Variants in TXNDC8 observed in about 807,000 individuals in gnomAD.
TXNDC8 encodes the protein thioredoxin domain containing 8.
TXNDC8 carries 15 observed loss-of-function variants against 12.9 expected under a neutral mutation model. The observed-to-expected ratio is 1.16, with a 90% CI of 0.78 to 1.79. TXNDC8 has a LOEUF of 1.79. Among genes scored for constraint, TXNDC8 ranks in the 40% most tolerant of loss-of-function variants. The pLI is 0.00. For missense variants in TXNDC8, 128 were observed against 113.2 expected, an observed-to-expected ratio of 1.13 and a Z score of -0.59; for synonymous variants, 40 against 35.4, an observed-to-expected ratio of 1.13 and a Z score of -0.46.
At chr9:110,321,444 G>T (rs1161349786) in intron 3 of TXNDC8, among the ~76,000 whole-genome samples, 2 of 152,186 alleles carry the variant, frequency 1.3e-5, no homozygotes, top group Non-Finnish European at 2.9e-5. Context: ...ATTTAAAAGG[G>T]TATAATGGAC....
intron 2 of TXNDC8, among the ~76,000 whole-genome samples, chr9:110,326,940 G>GCACACACACACACA (rs377527245): frequency 0.036 from 5,154 of 142,930 alleles, 128 homozygotes; most frequent in African/African-American, 0.04. Context: ...TGCTACTCAT[G>GCACACACACACACA]CACACACACA....
intron 3 of TXNDC8, among the ~76,000 whole-genome samples, chr9:110,320,739 A>G (rs907923258): frequency 1.3e-5 from 2 of 152,200 alleles, no homozygotes; most frequent in Admixed American, 1.3e-4. Context: ...CTTACAAGAG[A>G]ATGCAGTTTA....
At chr9:110,312,318 CAG>C (rs1463825114) in intron 3 of TXNDC8, among the ~76,000 whole-genome samples, 1 of 152,160 alleles carries the variant, frequency 6.6e-6, no homozygotes, top group Non-Finnish European at 1.5e-5. Flanking sequence ...TCATTTGTAA[CAG>C]GACACAATTG....
At chr9:110,327,526 T>C (rs776194097) in intron 2 of TXNDC8, among the ~76,000 whole-genome samples, 8 of 152,066 alleles carry the variant, frequency 5.3e-5, no homozygotes, top group East Asian at 3.9e-4. Context: ...GTTCGCCACG[T>C]TGGCCAGGCT....
chr9:110,320,196 A>G (rs1353603972), intron 3 of TXNDC8, among the ~76,000 whole-genome samples: 1 of 152,210 alleles, frequency 6.6e-6, no homozygotes, highest in Non-Finnish European at 1.5e-5. Flanking sequence ...TACACCAACC[A>G]TGAGTTGTGT....
At chr9:110,328,227 A>G (rs1839409275) in intron 2 of TXNDC8, among the ~76,000 whole-genome samples, 1 of 152,226 alleles carries the variant, frequency 6.6e-6, no homozygotes, top group Admixed American at 6.5e-5. Context: ...TAACATGTGG[A>G]TAGACCACCT....
intron 3 of TXNDC8, among the ~76,000 whole-genome samples, chr9:110,319,806 C>A (rs142976749): frequency 2.0e-4 from 30 of 152,288 alleles, no homozygotes; most frequent in Non-Finnish European, 4.0e-4. Flanking sequence ...CTCTTTCTAG[C>A]ATACCACGGT....
At chr9:110,324,849 T>A (rs1212113432) in intron 3 of TXNDC8, among the ~76,000 whole-genome samples, 1 of 152,184 alleles carries the variant, frequency 6.6e-6, no homozygotes, top group Non-Finnish European at 1.5e-5. Context: ...CGGTGGCACA[T>A]GCCTGTAATC....
chr9:110,308,701 C>A (rs150722844), intron 3 of TXNDC8, among the ~76,000 whole-genome samples: 150 of 152,256 alleles, frequency 9.9e-4, no homozygotes, highest in African/African-American at 3.4e-3. Context: ...ATTTACTTTC[C>A]TTCTACCACG....
intron 1 of TXNDC8, among the ~76,000 whole-genome samples, chr9:110,336,736 T>C (rs1839775442): frequency 6.6e-6 from 1 of 152,180 alleles, no homozygotes; most frequent in Non-Finnish European, 1.5e-5. Flanking sequence ...ATTTGTAGTA[T>C]ATTAGTGCTA....
In TXNDC8 at chr9:110,324,223, C is replaced by T. The variant is rs759855080; in HGVS notation, c.195+1952G>A. Among the ~76,000 whole-genome samples, 23 of 152,092 alleles carry T rather than the reference C, an allele frequency of 1.5e-4. 1 individual carries two copies. Among genetic ancestry groups the T allele is most frequent in the East Asian group, 7.7e-4 (4 of 5,178 alleles). On this transcript the variant is annotated intron_variant, in intron 3 of 4. Transcript: ENST00000423740. ...TGAAAGGAGGAAGCATTCTCACTTCCGAAATGGGAGTGAAGGAGAAGATAA... is the reference window on the plus strand; with the variant it reads ...TGAAAGGAGGAAGCATTCTCACTTCTGAAATGGGAGTGAAGGAGAAGATAA...
At chr9:110,334,840 C>T (rs1487792677) in intron 1 of TXNDC8, among the ~76,000 whole-genome samples, 3 of 152,056 alleles carry the variant, frequency 2.0e-5, no homozygotes, top group Non-Finnish European at 4.4e-5. Context: ...GACTAGTGAA[C>T]TTTAAAAGGA....
intron 3 of TXNDC8, chr9:110,322,458 C>T: frequency 1.0e-6 from 1 of 985,272 alleles, no homozygotes; most frequent in Non-Finnish European, 1.2e-6. Flanking sequence ...CATTAGAGAC[C>T]AGTTAGATAT....
chr9:110,302,253 A>G (rs1306006521), downstream of TXNDC8, among the ~76,000 whole-genome samples: 2 of 151,550 alleles, frequency 1.3e-5, no homozygotes, highest in Non-Finnish European at 2.9e-5. Flanking sequence ...CTCCCACCTC[A>G]GCCTCTCAAG....
intron 3 of TXNDC8, chr9:110,323,489 A>G (rs1554704076): frequency 3.6e-6 from 1 of 278,784 alleles, no homozygotes; most frequent in Non-Finnish European, 5.5e-6. Flanking sequence ...AGAGGACAGA[A>G]AGATAAATAG....
intron 3 of TXNDC8, among the ~76,000 whole-genome samples, chr9:110,311,993 G>T (rs1838708248): frequency 6.6e-6 from 1 of 151,244 alleles, no homozygotes; most frequent in Non-Finnish European, 1.5e-5. Context: ...GGTTCAAGCA[G>T]TTCTCCAGGG....
At chr9:110,315,662 A>G (rs1838858720) in intron 3 of TXNDC8, among the ~76,000 whole-genome samples, 4 of 150,954 alleles carry the variant, frequency 2.6e-5, no homozygotes, top group Non-Finnish European at 5.9e-5. Context: ...TCCTGCTACT[A>G]TGCCTGGCTA....
chr9:110,319,848 A>G (rs1230808570), intron 3 of TXNDC8, among the ~76,000 whole-genome samples: 1 of 152,156 alleles, frequency 6.6e-6, no homozygotes, highest in African/African-American at 2.4e-5. Flanking sequence ...TAATTCCTGT[A>G]CCTACTTGAA....
intron 3 of TXNDC8, among the ~76,000 whole-genome samples, chr9:110,310,186 G>C (rs936113895): frequency 7.2e-6 from 1 of 139,314 alleles, no homozygotes; most frequent in Non-Finnish European, 1.5e-5. Context: ...CTAAGTTATA[G>C]GATCTTTGTG....
Sources: gnomAD v4.1 joint callset for allele counts (sites outside exome capture counted in the v4.1 genomes callset) on GRCh38, gnomAD v4.1.1 for gene constraint, MANE v1.5 for transcripts, NCBI Gene and HGNC (gene_info 2026-07-23, HGNC 2026-07-21) for gene names.